Variants in ZNF804B observed in about 807,000 individuals in gnomAD.
The protein encoded by ZNF804B is zinc finger 804B.
In ZNF804B, 80 loss-of-function variants were observed where a neutral mutation model predicts 101.4. The observed-to-expected ratio is 0.79, with a 90% CI of 0.66 to 0.95. The LOEUF (loss-of-function observed/expected upper bound fraction) is 0.95, where lower values mean the gene tolerates loss of function less well. Ranked by LOEUF, ZNF804B falls within the 40% of genes least tolerant of loss-of-function variation. The pLI is 0.00. For missense variants in ZNF804B, 1,673 were observed against 1,561.9 expected (o/e 1.07, Z -1.20); for synonymous variants, 622 against 558.8 (o/e 1.11, Z -1.59).
intron 1 of ZNF804B, among the ~76,000 whole-genome samples, chr7:88,926,432 CAAA>C (rs34926325): frequency 7.4e-6 from 1 of 135,032 alleles, no homozygotes. Context: ...ATTAAAAATA[CAAA>C]AAAAAAAAAA....
At chr7:89,015,764 CT>C (rs1337126650) in intron 1 of ZNF804B, among the ~76,000 whole-genome samples, 5 of 152,126 alleles carry the variant, frequency 3.3e-5, no homozygotes, top group Non-Finnish European at 7.3e-5. Flanking sequence ...GGTTCCAAGT[CT>C]TTGCTATTGT....
intron 1 of ZNF804B, among the ~76,000 whole-genome samples, chr7:88,778,820 G>A (rs764602481): frequency 2.6e-5 from 4 of 152,262 alleles, no homozygotes; most frequent in East Asian, 1.9e-4. Flanking sequence ...TGGTGGAGCC[G>A]CCGATATGCA....
chr7:88,918,865 TC>T (rs1424309663), intron 1 of ZNF804B, among the ~76,000 whole-genome samples: 2 of 152,102 alleles, frequency 1.3e-5, no homozygotes, highest in Non-Finnish European at 2.9e-5. Context: ...TTGTGATAAA[TC>T]CTCTGACTAT....
At chr7:89,290,555 C>A (rs1790273635) in intron 2 of ZNF804B, among the ~76,000 whole-genome samples, 1 of 152,074 alleles carries the variant, frequency 6.6e-6, no homozygotes, top group Non-Finnish European at 1.5e-5. Flanking sequence ...TTGGTCTTAA[C>A]TGAACATCAT....
intron 1 of ZNF804B, among the ~76,000 whole-genome samples, chr7:88,905,983 A>G (rs1219973818): frequency 6.7e-6 from 1 of 148,694 alleles, no homozygotes; most frequent in Non-Finnish European, 1.5e-5. Context: ...CAGGGTTTCA[A>G]TTTCTTCCTG....
rs1428205532 is a variant in ZNF804B, at chr7:89,064,258, CTT to C, written c.109-153895_109-153894del. The stretch of plus-strand genomic sequence containing the variant: ...TATTGTCTGCTCCAGAAGAACATAA[CTT>C]TGAGTGAAGCTGTTCTCTCTCCTGG... On this transcript the variant is annotated intron_variant, in intron 1 of 3. Coordinates refer to ENST00000333190, the MANE Select transcript of ZNF804B (RefSeq NM_181646.5). Among the ~76,000 whole-genome samples, 4 of 152,112 alleles carry C rather than the reference CTT, an allele frequency of 2.6e-5. No homozygotes were observed. The South Asian group carries it at 8.3e-4, about 32-fold the overall frequency.
intron 1 of ZNF804B, among the ~76,000 whole-genome samples, chr7:88,918,020 G>T (rs916842474): frequency 1.3e-5 from 2 of 151,976 alleles, no homozygotes; most frequent in Non-Finnish European, 2.9e-5. Context: ...GAAATATGTG[G>T]GCATTATTAT....
chr7:89,174,875 A>C (rs952460613), intron 1 of ZNF804B, among the ~76,000 whole-genome samples: 2 of 152,024 alleles, frequency 1.3e-5, no homozygotes, highest in African/African-American at 4.8e-5. Context: ...ACATACCTGT[A>C]TGCCATGTTT....
At chr7:88,971,127 G>A (rs1046220465) in intron 1 of ZNF804B, among the ~76,000 whole-genome samples, 1 of 151,338 alleles carries the variant, frequency 6.6e-6, no homozygotes, top group East Asian at 2.0e-4. Flanking sequence ...GCTAGCAGAT[G>A]GTCTTAAAAG....
intron 1 of ZNF804B, among the ~76,000 whole-genome samples, chr7:88,844,693 A>T (rs2115813184): frequency 6.6e-6 from 1 of 152,236 alleles, no homozygotes; most frequent in African/African-American, 2.4e-5. Flanking sequence ...TTCATGGTAG[A>T]TTTGTGGTTT....
At chr7:89,001,022 A>G (rs1788279349) in intron 1 of ZNF804B, among the ~76,000 whole-genome samples, 1 of 147,216 alleles carries the variant, frequency 6.8e-6, no homozygotes, top group African/African-American at 2.5e-5. Flanking sequence ...AGTATAATAT[A>G]ATATATAATA....
intron 1 of ZNF804B, among the ~76,000 whole-genome samples, chr7:89,139,059 A>G (rs1366684394): frequency 2.0e-5 from 3 of 152,080 alleles, no homozygotes; most frequent in Admixed American, 2.0e-4. Context: ...GAGATATTGC[A>G]GGTTTTGCTC....
chr7:88,823,182 A>G (rs1791007884), intron 1 of ZNF804B, among the ~76,000 whole-genome samples: 1 of 152,164 alleles, frequency 6.6e-6, no homozygotes, highest in Non-Finnish European at 1.5e-5. Flanking sequence ...TGCACAGCCT[A>G]GGCGACAGGG....
At chr7:88,820,488 T>C (rs1790959834) in intron 1 of ZNF804B, among the ~76,000 whole-genome samples, 2 of 152,166 alleles carry the variant, frequency 1.3e-5, no homozygotes, top group Admixed American at 1.3e-4. Flanking sequence ...TGAGCCTCCC[T>C]TTCTCATAGG....
chr7:89,176,383 T>G (rs374473196), intron 1 of ZNF804B, among the ~76,000 whole-genome samples: 4 of 152,022 alleles, frequency 2.6e-5, no homozygotes, highest in Non-Finnish European at 5.9e-5. Context: ...TCTGTTGATA[T>G]GATGTAGCAC....
chr7:89,065,692 G>A (rs1417073172), intron 1 of ZNF804B, among the ~76,000 whole-genome samples: 3 of 152,098 alleles, frequency 2.0e-5, no homozygotes, highest in Non-Finnish European at 2.9e-5. Context: ...TTCTGGTGGG[G>A]TTGGGGAGGG....
At chr7:89,027,184 A>G (rs1788764566) in intron 1 of ZNF804B, among the ~76,000 whole-genome samples, 1 of 152,102 alleles carries the variant, frequency 6.6e-6, no homozygotes, top group Non-Finnish European at 1.5e-5. Flanking sequence ...AAAGCAAATC[A>G]TTTTTTACAT....
At chr7:88,997,084 A>G (rs78029605) in intron 1 of ZNF804B, among the ~76,000 whole-genome samples, 3,083 of 152,178 alleles carry the variant, frequency 0.02, 115 homozygotes, top group African/African-American at 0.071. Context: ...TGTTTAACTG[A>G]TACACACTTG....
intron 2 of ZNF804B, among the ~76,000 whole-genome samples, chr7:89,241,004 T>A (rs1789360911): frequency 6.6e-6 from 1 of 152,102 alleles, no homozygotes; most frequent in Non-Finnish European, 1.5e-5. Context: ...CTGCCGTGTC[T>A]GTATTACTCA....
Sources: gnomAD v4.1 joint callset for allele counts (sites outside exome capture counted in the v4.1 genomes callset) on GRCh38, gnomAD v4.1.1 for gene constraint, MANE v1.5 for transcripts, NCBI Gene and HGNC (gene_info 2026-07-23, HGNC 2026-07-21) for gene names.